PCDHGA6: variants seen among roughly 807,000 people sequenced by gnomAD.
The protein encoded by PCDHGA6 is protocadherin gamma subfamily A, 6, also known as protocadherin gamma-A6.
Under a neutral mutation model 60.6 loss-of-function variants are expected in PCDHGA6, and 41 were observed. That is an observed-to-expected ratio of 0.68 (90% CI 0.53 to 0.88). The LOEUF (loss-of-function observed/expected upper bound fraction) is 0.88. PCDHGA6 is among the 40% of genes least tolerant of loss of function. PCDHGA6 has a pLI of 0.00. For synonymous variants in PCDHGA6, 594 were observed against 524.4 expected (o/e 1.13, Z -1.81); for missense variants, 1,312 against 1,203.0 (o/e 1.09, Z -1.34).
Position 141,431,663 on chromosome 5 carries a change from T to G in PCDHGA6, c.2424+55156T>G, listed in dbSNP as rs2097405149. ...ACTAGATTGTAATTCAGGGACAATA[T>G]CAACAATAGGGGAGTTGGACCACGA... On this transcript the variant is annotated intron_variant, in intron 1 of 3. Coordinates refer to ENST00000517434, the MANE Select transcript of PCDHGA6 (RefSeq NM_018919.3). The surrounding 1 kb of genome is among the most constrained non-coding windows in gnomAD (Gnocchi z 4.8). The G allele has an allele frequency of 6.2e-7, 1 of 1,614,168 alleles. No individual in the cohort carries two copies.
intron 1 of PCDHGA6, chr5:141,408,314 C>A (rs1408322838): frequency 1.2e-6 from 2 of 1,613,846 alleles, no homozygotes; most frequent in Admixed American, 3.3e-5. Context: ...CTACTCGATT[C>A]CGGAGGAGCT....
Position 141,485,804 on chromosome 5 carries a change from G to A in PCDHGA6, c.2425-9003G>A. 6.2e-7 allele frequency: 1 copy of A among 1,614,218 alleles called. No individual in the cohort carries two copies. On this transcript the variant is annotated intron_variant, in intron 1 of 3. Coordinates refer to ENST00000517434, the MANE Select transcript of PCDHGA6 (RefSeq NM_018919.3). This position sits in a 1 kb window ranked among gnomAD's most constrained non-coding sequence, Gnocchi z 5.7. The stretch of plus-strand genomic sequence containing the variant: ...AGAGAAGCAATCGGACTACCGCCTG[G>A]TGCTGACTGCTGTCGATGGAGGGAA...
At chr5:141,421,303 G>C in intron 1 of PCDHGA6, 1 of 1,613,660 alleles carries the variant, frequency 6.2e-7, no homozygotes, top group Non-Finnish European at 8.5e-7. Context: ...GACGCTGCGG[G>C]GGTTCCGGGC....
chr5:141,491,641 C>T lies in PCDHGA6; in HGVS notation c.2425-3166C>T. Reference sequence around the variant, plus strand: ...CCTCAGCGTTCAGCAGCCCACAGCTCTGGCGCTGGAGCCTGACGCCATCCG... The same window carrying T: ...CCTCAGCGTTCAGCAGCCCACAGCTTTGGCGCTGGAGCCTGACGCCATCCG... On this transcript the variant is annotated intron_variant, in intron 1 of 3. Coordinates refer to ENST00000517434, the MANE Select transcript of PCDHGA6 (RefSeq NM_018919.3). The surrounding 1 kb of genome is among the most constrained non-coding windows in gnomAD (Gnocchi z 6.9). The T allele has an allele frequency of 6.2e-7, 1 of 1,613,896 alleles. No homozygotes were observed. Among genetic ancestry groups the T allele is most frequent in the Non-Finnish European group, 8.5e-7 (1 of 1,180,018 alleles).
rs1057107770 is a variant in PCDHGA6 at position 141,387,795 on chromosome 5, T to C, written c.2424+11288T>C. 28 of 1,499,168 alleles carry C rather than the reference T, an allele frequency of 1.9e-5. No homozygotes were observed. In the African/African-American group the frequency reaches 2.5e-4, roughly 13 times the overall value. The allele number at this position is 1,499,168 out of a possible 1,614,324, so 92.9% of individuals were successfully genotyped here. A position where few individuals can be genotyped will look rare whatever the true frequency, so the allele number is the denominator to read the frequency against. On this transcript the variant is annotated intron_variant, in intron 1 of 3. Transcript: ENST00000517434. ...TCTTGAACTGGAACTGCAACTAAAG[T>C]CCGTTCGGAGATCCAAAAATCTGCA... is the stretch of plus-strand genomic sequence containing the variant.
In PCDHGA6 at chr5:141,405,166, A is replaced by G. The variant is rs1303146593; in HGVS notation, c.2424+28659A>G. The G allele has an allele frequency of 9.3e-6, 15 of 1,613,862 alleles. No individual in the cohort carries two copies. In the East Asian group the frequency reaches 3.3e-4, roughly 36 times the overall value. On this transcript the variant is annotated intron_variant, in intron 1 of 3. Coordinates refer to ENST00000517434, the MANE Select transcript of PCDHGA6 (RefSeq NM_018919.3). Reference sequence around the variant, plus strand: ...ATGGGTTGGCTGGTGTGCCCACCTCACACTTTGTGGGTGTAGATGGGGTTC... The same window carrying G: ...ATGGGTTGGCTGGTGTGCCCACCTCGCACTTTGTGGGTGTAGATGGGGTTC...
intron 1 of PCDHGA6, chr5:141,428,402 G>T (rs899477196): frequency 1.7e-5 from 8 of 479,776 alleles, no homozygotes; most frequent in African/African-American, 1.4e-4. Flanking sequence ...TCTGCCTGGG[G>T]TTGCTTTCAC....
chr5:141,430,933 G>C (rs2097327058), intron 1 of PCDHGA6: 1 of 1,607,608 alleles, frequency 6.2e-7, no homozygotes, highest in East Asian at 2.2e-5. Flanking sequence ...AGCCCCGGGA[G>C]CTCGCGGAGC....
intron 1 of PCDHGA6, among the ~76,000 whole-genome samples, chr5:141,442,702 T>A (rs1301940560): frequency 1.3e-5 from 2 of 152,342 alleles, no homozygotes; most frequent in African/African-American, 4.8e-5. Context: ...GACAAGAGTA[T>A]CAGACATGCC....
At chr5:141,443,059 A>G (rs148799842) in intron 1 of PCDHGA6, among the ~76,000 whole-genome samples, 145 of 152,348 alleles carry the variant, frequency 9.5e-4, no homozygotes, top group African/African-American at 3.3e-3. Context: ...GTTCCACTGA[A>G]GAGCGTCTTA....
chr5:141,491,709 C>T lies in PCDHGA6; in HGVS notation c.2425-3098C>T, dbSNP rs2099725685. On this transcript the variant is annotated intron_variant, in intron 1 of 3. Coordinates refer to ENST00000517434, the MANE Select transcript of PCDHGA6 (RefSeq NM_018919.3). The surrounding 1 kb of genome is among the most constrained non-coding windows in gnomAD (Gnocchi z 6.9). The stretch of plus-strand genomic sequence containing the variant: ...TGCGGGAGCGGAGCCAGGTGAGGGG[C>T]TCGGCGCCGCCCCGGGCGACCCCTG... 6.2e-7 allele frequency: 1 copy of T among 1,610,156 alleles called. No homozygotes were observed. Among genetic ancestry groups the T allele is most frequent in the Non-Finnish European group, 8.5e-7 (1 of 1,178,376 alleles).
chr5:141,417,878 C>T, intron 1 of PCDHGA6: 1 of 1,558,216 alleles, frequency 6.4e-7, no homozygotes, highest in Non-Finnish European at 8.7e-7. Context: ...GAGCTGCGCG[C>T]AGAGGCGCCG....
chr5:141,379,773 T>C (rs575153200), intron 1 of PCDHGA6: 2 of 152,144 alleles, frequency 1.3e-5, no homozygotes, highest in South Asian at 2.1e-4. Flanking sequence ...ATACAGATCA[T>C]TAATAATAAG....
Position 141,511,350 on chromosome 5 carries a change from C to G in PCDHGA6, c.*177C>G, listed in dbSNP as rs1303365585. 4.3e-6 allele frequency: 6 copies of G among 1,397,194 alleles called. No homozygotes were observed. Among genetic ancestry groups the G allele is most frequent in the East Asian group, 2.5e-5 (1 of 39,862 alleles). The allele number at this position is 1,397,194 out of a possible 1,614,324, so 86.5% of individuals were successfully genotyped here. On this transcript the variant is annotated 3_prime_UTR_variant, in exon 4 of 4. Transcript: ENST00000517434. ...CCCAGTCAGCACCTACCCCTTCCCC[C>G]CCAGGGGGTTGAATATGCAAAAGCA...
chr5:141,385,576 A>G, intron 1 of PCDHGA6: 1 of 1,288,582 alleles, frequency 7.8e-7, no homozygotes, highest in Non-Finnish European at 9.8e-7. Context: ...CTACTTTCCA[A>G]TCTATGTTCC....
intron 1 of PCDHGA6, chr5:141,379,313 A>C (rs1053297201): frequency 4.6e-5 from 7 of 152,264 alleles, no homozygotes; most frequent in African/African-American, 1.7e-4. Flanking sequence ...CCTAAACAAG[A>C]GATCTAATCA....
At chr5:141,462,497 T>C (rs1333421053) in intron 1 of PCDHGA6, among the ~76,000 whole-genome samples, 1 of 152,244 alleles carries the variant, frequency 6.6e-6, no homozygotes, top group Non-Finnish European at 1.5e-5. Flanking sequence ...TATCCTATAA[T>C]TGTCAACTAG....
intron 1 of PCDHGA6, among the ~76,000 whole-genome samples, chr5:141,471,035 G>A (rs2099247157): frequency 7.1e-6 from 1 of 141,386 alleles, no homozygotes; most frequent in Admixed American, 7.1e-5. Flanking sequence ...TTATTAACAA[G>A]CCCAAGCCCT....
chr5:141,376,030 C>G lies in PCDHGA6; in HGVS notation c.1947C>G (p.His649Gln), dbSNP rs766254447. Residue 649 changes from histidine to glutamine, a missense_variant, in exon 1 of 4, where the codon CAC becomes CAG. Physicochemically the swap from His to Gln is conservative, Grantham distance 24. Transcript: ENST00000517434. The stretch of plus-strand genomic sequence containing the variant: ...GCCTAGTGGTGGCCGTCCAGGACCA[C>G]GGCCAGCCCCCTCTCTCCGCCACTG... ...KQSLVVAVQD[H>Q]GQPPLSATVT... The G allele has an allele frequency of 1.2e-6, 2 of 1,613,082 alleles. No homozygotes were observed. The highest frequency in any genetic ancestry group is 1.7e-6 in the Non-Finnish European group (2 of 1,179,892).
Sources: allele counts gnomAD v4.1 joint callset (sites outside exome capture counted in the v4.1 genomes callset), GRCh38; gene constraint gnomAD v4.1.1; non-coding constraint Gnocchi (gnomAD v3.1); transcripts MANE v1.5; gene names NCBI Gene and HGNC (gene_info 2026-07-23, HGNC 2026-07-21).